MAP4: variants seen among roughly 807,000 people sequenced by gnomAD.
MAP4 encodes the protein microtubule associated protein 4.
MAP4 carries 76 observed loss-of-function variants against 170.2 expected under a neutral mutation model. That is an observed-to-expected ratio of 0.45 (90% CI 0.37 to 0.54). The LOEUF is 0.54. MAP4 is among the 20% of genes least tolerant of loss of function. The pLI is 0.00. For missense variants in MAP4, 2,506 were observed against 2,748.0 expected (o/e 0.91, Z 1.97); for synonymous variants, 909 against 994.5 (o/e 0.91, Z 1.62).
intron 3 of MAP4, among the ~76,000 whole-genome samples, chr3:47,948,003 C>CT (rs1222392940): frequency 1.8e-3 from 262 of 144,034 alleles, no homozygotes; most frequent in Non-Finnish European, 3.0e-3. Flanking sequence ...CCTATTCTTT[C>CT]TTTTTTTTTT....
chr3:47,864,346 G>C (rs370360362), intron 17 of MAP4, among the ~76,000 whole-genome samples: 2 of 152,208 alleles, frequency 1.3e-5, no homozygotes, highest in African/African-American at 4.8e-5. Flanking sequence ...TTCGAGACCA[G>C]CCTGCCCAAT....
upstream of MAP4, among the ~76,000 whole-genome samples, chr3:48,021,323 C>A (rs956392350): frequency 6.6e-6 from 1 of 151,650 alleles, no homozygotes; most frequent in Non-Finnish European, 1.5e-5. Flanking sequence ...CAACTATCCC[C>A]AAACTAATCT....
intron 16 of MAP4, 96 bp downstream of exon 16, chr3:47,869,118 G>C: frequency 1.1e-6 from 1 of 942,404 alleles, no homozygotes; most frequent in Admixed American, 1.8e-5. Context: ...AACTAGTTAG[G>C]GAAAGGGAAA....
At chr3:47,863,937 T>TGTGTGTGTGTGTGGGG (rs374208589) in intron 17 of MAP4, among the ~76,000 whole-genome samples, 10 of 138,358 alleles carry the variant, frequency 7.2e-5, no homozygotes, top group African/African-American at 2.5e-4. Flanking sequence ...TGTGTGTGTG[T>TGTGTGTGTGTGTGGGG]GGGGAGTGGT....
chr3:47,855,251 C>T lies in MAP4; in HGVS notation c.6693G>A (p.Val2231=). The T allele has an allele frequency of 6.2e-7, 1 of 1,612,950 alleles. No homozygotes were observed. The highest frequency in any genetic ancestry group is 8.5e-7 in the Non-Finnish European group (1 of 1,178,930). The change falls in exon 19 of 21, where the codon GTG becomes GTA. Residue 2231 remains valine (V), a synonymous_variant. Coordinates refer to ENST00000683076, the MANE Select transcript of MAP4 (RefSeq NM_001385682.1). The surrounding 1 kb of genome is among the most constrained non-coding windows in gnomAD (Gnocchi z 5.1). ...NVGHLPAGGA[V]KTEGGGSEAP... ...TCCCCAGTGACCCACTCGCTACCTT[C>T]ACAGCACCTCCTGCAGGTAGGTGGC...
chr3:47,991,698 C>A (rs1276568265), intron 2 of MAP4, among the ~76,000 whole-genome samples: 1 of 151,348 alleles, frequency 6.6e-6, no homozygotes. Context: ...GAATTTCGCT[C>A]TTGTTGCCCA....
Position 47,992,300 on chromosome 3 carries a change from G to A in MAP4, c.223+6338C>T, listed in dbSNP as rs148471211. Among the ~76,000 whole-genome samples the A allele has an allele frequency of 5.4e-3, 821 of 152,088 alleles. 4 individuals carry two copies. Among genetic ancestry groups the A allele is most frequent in the African/African-American group, 0.016 (650 of 41,480 alleles). ...AAGACTAAATAAGGCGGCTTCCTTCGTTTTTCTTATTTGATGTCTCCAAAC... is the reference window on the plus strand; with the variant it reads ...AAGACTAAATAAGGCGGCTTCCTTCATTTTTCTTATTTGATGTCTCCAAAC... On this transcript the variant is annotated intron_variant, in intron 2 of 20. Transcript: ENST00000683076.
chr3:47,864,328 G>A (rs1274142842), intron 17 of MAP4, among the ~76,000 whole-genome samples: 1 of 152,088 alleles, frequency 6.6e-6, no homozygotes, highest in Non-Finnish European at 1.5e-5. Flanking sequence ...ATCACCTGAG[G>A]TCAGGAGTTC....
chr3:48,047,131 T>TAAATAAAA (rs1553740017), intron 1 of MAP4, among the ~76,000 whole-genome samples: 5 of 151,420 alleles, frequency 3.3e-5, no homozygotes, highest in South Asian at 2.1e-4. Context: ...AATAAATAAA[T>TAAATAAAA]AAAAATGTTA....
At chr3:47,970,254 GGT>G (rs769527942) in intron 3 of MAP4, among the ~76,000 whole-genome samples, 11 of 152,186 alleles carry the variant, frequency 7.2e-5, no homozygotes, top group Non-Finnish European at 1.3e-4. Flanking sequence ...GGGAGGCCGA[GGT>G]GGGTGGATCA....
chr3:48,054,622 TC>T (rs1160541446), intron 1 of MAP4, among the ~76,000 whole-genome samples: 1 of 78,742 alleles, frequency 1.3e-5, no homozygotes, highest in African/African-American at 5.6e-5. Flanking sequence ...AGTGTAAGAC[TC>T]CATCTCAAAA....
At chr3:47,867,855 C>G (rs951830688) in intron 16 of MAP4, among the ~76,000 whole-genome samples, 5 of 152,344 alleles carry the variant, frequency 3.3e-5, no homozygotes, top group Middle Eastern at 6.8e-3. Flanking sequence ...CACTGGGCAG[C>G]TGGCAACAAG....
intron 17 of MAP4, among the ~76,000 whole-genome samples, chr3:47,866,161 A>ACC (rs2079339004): frequency 6.6e-6 from 1 of 151,478 alleles, no homozygotes; most frequent in Non-Finnish European, 1.5e-5. Flanking sequence ...GCATGATGAA[A>ACC]CCCCGTCTCT....
chr3:48,073,103 A>G (rs1420550536), intron 1 of MAP4, among the ~76,000 whole-genome samples: 2 of 152,000 alleles, frequency 1.3e-5, no homozygotes, highest in Non-Finnish European at 2.9e-5. Flanking sequence ...CCACCTACTC[A>G]GGAGGCTGAG....
At chr3:47,858,788 C>T (rs2060972103) in intron 17 of MAP4, among the ~76,000 whole-genome samples, 1 of 151,634 alleles carries the variant, frequency 6.6e-6, no homozygotes, top group Non-Finnish European at 1.5e-5. Flanking sequence ...CTGGCCAGCA[C>T]AGTGAAACTC....
At chr3:47,945,420 C>T (rs986315888) in intron 3 of MAP4, among the ~76,000 whole-genome samples, 1 of 151,974 alleles carries the variant, frequency 6.6e-6, no homozygotes. Flanking sequence ...ATACAAGATA[C>T]GGTTCCTCCA....
At chr3:47,918,608 G>T (rs2100041022) in intron 6 of MAP4, 111 bp downstream of exon 6, 2 of 780,108 alleles carry the variant, frequency 2.6e-6, no homozygotes, top group Non-Finnish European at 4.3e-6. Context: ...ATTTGTGATT[G>T]TTCTGAAATT....
intron 1 of MAP4, among the ~76,000 whole-genome samples, chr3:48,029,440 T>C (rs1408661485): frequency 6.6e-6 from 1 of 152,064 alleles, no homozygotes; most frequent in African/African-American, 2.4e-5. Context: ...TGTCTCTAAA[T>C]AAATAAATAA....
intron 10 of MAP4, among the ~76,000 whole-genome samples, chr3:47,890,551 G>T (rs1014949348): frequency 1.3e-5 from 2 of 152,126 alleles, no homozygotes; most frequent in African/African-American, 4.8e-5. Flanking sequence ...ATGAGAGGAG[G>T]TTAGTGCTGA....
Sources: allele counts gnomAD v4.1 joint callset (sites outside exome capture counted in the v4.1 genomes callset), GRCh38; gene constraint gnomAD v4.1.1; non-coding constraint Gnocchi (gnomAD v3.1); transcripts MANE v1.5; gene names NCBI Gene and HGNC (gene_info 2026-07-23, HGNC 2026-07-21).